The following DGKB variants were observed in gnomAD, a reference collection of about 807,000 sequenced individuals.
DGKB encodes 90 kDa diacylglycerol kinase.
In DGKB, 67 loss-of-function variants were observed where a neutral mutation model predicts 114.3. The observed-to-expected ratio is 0.59, with a 90% confidence interval of 0.48 to 0.72. The LOEUF (loss-of-function observed/expected upper bound fraction) is 0.72. Among genes scored for constraint, DGKB ranks in the 30% least tolerant of loss-of-function variants. DGKB has a pLI of 0.00. For missense variants in DGKB, 907 were observed against 975.2 expected (o/e 0.93, Z 0.93); for synonymous variants, 398 against 323.1 (o/e 1.23, Z -2.49).
chr7:14,341,868 GGATGGTAAATGTGATGA>G (rs1319812469), intron 22 of DGKB, among the ~76,000 whole-genome samples: 1 of 151,806 alleles, frequency 6.6e-6, no homozygotes, highest in African/African-American at 2.4e-5. Context: ...CTCTAAGTGT[GGATGGTAAATGTGATGA>G]GATACAATTA....
At chr7:14,867,347 T>C (rs1036075449) in intron 1 of DGKB, among the ~76,000 whole-genome samples, 1 of 152,182 alleles carries the variant, frequency 6.6e-6, no homozygotes, top group Non-Finnish European at 1.5e-5. Flanking sequence ...ATTTTGCTAC[T>C]ACTGCATTGG....
chr7:14,873,759 A>C (rs1412025599), intron 1 of DGKB, among the ~76,000 whole-genome samples: 1 of 152,006 alleles, frequency 6.6e-6, no homozygotes, highest in Admixed American at 6.6e-5. Context: ...CTTATATTCC[A>C]AAATTATAGA....
chr7:14,343,157 CCACACACA>C lies in DGKB; in HGVS notation c.1926+2136_1926+2143del, dbSNP rs3067654. On this transcript the variant is annotated intron_variant, in intron 22 of 25. Coordinates refer to ENST00000402815, the MANE Select transcript of DGKB (RefSeq NM_001350709.2). Reference sequence around the variant, plus strand: ...AGAGAAGCAGATTTTGCCTAGCTATCCACACACACACACACACACACACACACACACAC... The same window carrying C: ...AGAGAAGCAGATTTTGCCTAGCTATCCACACACACACACACACACACACAC... Among the ~76,000 whole-genome samples, 1,155 of 132,914 alleles carry C rather than the reference CCACACACA, an allele frequency of 8.7e-3. 17 individuals are homozygous for C. The highest frequency in any genetic ancestry group is 0.031 in the African/African-American group (1,080 of 34,538). 87.2% of individuals were successfully genotyped at this position (132,914 alleles called of 152,430 possible).
At chr7:14,589,386 C>T (rs186843542) in intron 17 of DGKB, among the ~76,000 whole-genome samples, 67 of 151,966 alleles carry the variant, frequency 4.4e-4, no homozygotes, top group Admixed American at 3.6e-3. Context: ...ATTTCTTTCC[C>T]TGAGTCTTTT....
intron 23 of DGKB, among the ~76,000 whole-genome samples, chr7:14,272,983 C>T (rs914459919): frequency 2.6e-5 from 4 of 152,104 alleles, no homozygotes; most frequent in South Asian, 2.1e-4. Flanking sequence ...CTGATATACC[C>T]GGACCAGGAA....
chr7:14,519,984 T>C (rs904204692), intron 20 of DGKB, among the ~76,000 whole-genome samples: 1 of 151,856 alleles, frequency 6.6e-6, no homozygotes, highest in Non-Finnish European at 1.5e-5. Flanking sequence ...CAAATACTTT[T>C]CCACTCTGGC....
At chr7:14,225,041 A>G (rs1240166164) in intron 23 of DGKB, among the ~76,000 whole-genome samples, 1 of 151,994 alleles carries the variant, frequency 6.6e-6, no homozygotes, top group Non-Finnish European at 1.5e-5. Flanking sequence ...TAGCCAGCCT[A>G]CAGTGCAGCC....
At chr7:14,882,939 G>A (rs1477652979) in intron 1 of DGKB, among the ~76,000 whole-genome samples, 1 of 151,892 alleles carries the variant, frequency 6.6e-6, no homozygotes, top group African/African-American at 2.4e-5. Flanking sequence ...AAACACAGGA[G>A]TGCAGGTATC....
intron 1 of DGKB, among the ~76,000 whole-genome samples, chr7:14,942,934 T>C (rs571055676): frequency 1.3e-5 from 2 of 152,136 alleles, no homozygotes; most frequent in East Asian, 3.9e-4. Flanking sequence ...GATTTTTTTT[T>C]TCATTTGCTC....
At chr7:14,435,586 C>A (rs1398470999) in intron 21 of DGKB, among the ~76,000 whole-genome samples, 1 of 152,026 alleles carries the variant, frequency 6.6e-6, no homozygotes, top group Non-Finnish European at 1.5e-5. Context: ...ACTACAAGAA[C>A]CATTGACATT....
chr7:14,719,194 T>C (rs1828739062), intron 5 of DGKB, among the ~76,000 whole-genome samples: 1 of 152,158 alleles, frequency 6.6e-6, no homozygotes, highest in Non-Finnish European at 1.5e-5. Context: ...GACATCCTTT[T>C]TTACCATCAA....
At chr7:14,873,901 C>T (rs1852857399) in intron 1 of DGKB, among the ~76,000 whole-genome samples, 2 of 151,978 alleles carry the variant, frequency 1.3e-5, no homozygotes, top group Non-Finnish European at 1.5e-5. Flanking sequence ...TAAAATATTA[C>T]ATAAGCAGTT....
At chr7:14,396,740 A>G (rs898341963) in intron 21 of DGKB, among the ~76,000 whole-genome samples, 7 of 152,140 alleles carry the variant, frequency 4.6e-5, no homozygotes, top group African/African-American at 1.7e-4. Context: ...CAGGGTGACA[A>G]TATGCTTCAA....
chr7:14,336,554 C>A (rs1365701132), intron 23 of DGKB, among the ~76,000 whole-genome samples: 1 of 152,110 alleles, frequency 6.6e-6, no homozygotes. Flanking sequence ...ATTCCCACTT[C>A]CTCATTTCCC....
chr7:14,589,062 A>G (rs976019851), intron 17 of DGKB, among the ~76,000 whole-genome samples: 4 of 152,048 alleles, frequency 2.6e-5, no homozygotes, highest in Admixed American at 2.6e-4. Context: ...ATTCTTTAAT[A>G]TCCTTCAACA....
chr7:14,219,652 T>A (rs1339789403), intron 23 of DGKB, among the ~76,000 whole-genome samples: 1 of 151,802 alleles, frequency 6.6e-6, no homozygotes, highest in Non-Finnish European at 1.5e-5. Flanking sequence ...TGTTATTGAG[T>A]TGTATCATTA....
intron 23 of DGKB, among the ~76,000 whole-genome samples, chr7:14,221,271 G>A (rs1238310784): frequency 6.6e-6 from 1 of 151,170 alleles, no homozygotes; most frequent in African/African-American, 2.4e-5. Flanking sequence ...TCTGAATAAA[G>A]CATCTAGTAT....
intron 23 of DGKB, among the ~76,000 whole-genome samples, chr7:14,183,554 A>G (rs1478673668): frequency 1.3e-5 from 2 of 152,204 alleles, no homozygotes; most frequent in Admixed American, 6.5e-5. Flanking sequence ...TATGCCTGCT[A>G]TGAGCAGGCT....
At chr7:14,407,110 A>C (rs750573965) in intron 21 of DGKB, among the ~76,000 whole-genome samples, 11 of 152,048 alleles carry the variant, frequency 7.2e-5, no homozygotes, top group Non-Finnish European at 1.5e-4. Context: ...TAGAAGTCAG[A>C]AAGTGAGGGC....
Sources: gnomAD v4.1 joint callset for allele counts (sites outside exome capture counted in the v4.1 genomes callset) on GRCh38, gnomAD v4.1.1 for gene constraint, MANE v1.5 for transcripts, NCBI Gene and HGNC (gene_info 2026-07-23, HGNC 2026-07-21) for gene names.